Variants in ANKRD46 observed in about 807,000 individuals in gnomAD.
The protein encoded by ANKRD46 is ankyrin repeat domain 46, also known as ankyrin repeat domain-containing protein 46.
Under a neutral mutation model 19.8 loss-of-function variants are expected in ANKRD46, and 13 were observed. That is an observed-to-expected ratio of 0.66 (90% confidence interval 0.43 to 1.04). The LOEUF (loss-of-function observed/expected upper bound fraction) is 1.04, where lower values mean the gene tolerates loss of function less well. ANKRD46 is among the 50% of genes least tolerant of loss of function. The pLI, the probability that ANKRD46 is intolerant of heterozygous loss-of-function variation, is 0.00. For synonymous variants in ANKRD46, 91 were observed against 106.9 expected (o/e 0.85, Z 0.92); for missense variants, 185 against 274.8 (o/e 0.67, Z 2.31).
chr8:100,551,402 A>G (rs1381869838), intron 1 of ANKRD46: 1 of 613,010 alleles, frequency 1.6e-6, no homozygotes, highest in Non-Finnish European at 3.1e-6. Context: ...AGCCTTCTCT[A>G]TGGTCATGAA....
In ANKRD46 at chr8:100,510,515, A is replaced by G. The variant is rs1268205587; in HGVS notation, c.*62T>C. 4 of 1,463,256 alleles carry G rather than the reference A, an allele frequency of 2.7e-6. No homozygotes were observed. The Admixed American group carries it at 8.3e-5, about 30-fold the overall frequency. 90.6% of individuals were successfully genotyped at this position (1,463,256 alleles called of 1,614,324 possible). ...ACAGCCCCACCCAACAGGGACGCTG[A>G]CGTCTGTATCCCTTCTTTCTTGCCT... On this transcript the variant is annotated 3_prime_UTR_variant, in exon 6 of 6. Transcript: ENST00000520552. The surrounding 1 kb of genome is among the most constrained non-coding windows in gnomAD (Gnocchi z 4.9).
chr8:100,553,795 G>C (rs1563493887), intron 1 of ANKRD46, among the ~76,000 whole-genome samples: 1 of 151,950 alleles, frequency 6.6e-6, no homozygotes, highest in Non-Finnish European at 1.5e-5. Context: ...AACCAAAAAA[G>C]GCATCATAAT....
At position 100,533,247 on chromosome 8, in the gene ANKRD46, T is replaced by C. The variant is rs1415534599; in HGVS notation, c.-66A>G. 1 of 152,246 alleles carries C rather than the reference T, an allele frequency of 6.6e-6. No individual in the cohort carries two copies. The highest frequency in any genetic ancestry group is 1.5e-5 in the Non-Finnish European group (1 of 68,046). The allele number at this position is 152,246 out of a possible 1,614,324, so 9.4% of individuals were successfully genotyped here. A position where few individuals can be genotyped will look rare whatever the true frequency, so the allele number is the denominator to read the frequency against. Reference sequence around the variant, plus strand: ...TTAGATCTTTTCGTTCAGTGGTCACTCAGCAGTTTCTCTGAATTCTCAAGA... The same window carrying C: ...TTAGATCTTTTCGTTCAGTGGTCACCCAGCAGTTTCTCTGAATTCTCAAGA... On this transcript the variant is annotated 5_prime_UTR_variant, in exon 2 of 5. Coordinates refer to ENST00000335659, the MANE Select transcript of ANKRD46 (RefSeq NM_001270377.2).
In ANKRD46 at chr8:100,550,899, C is replaced by A; in HGVS notation, c.-131+8812G>T. On this transcript the variant is annotated intron_variant, in intron 1 of 4. Transcript: ENST00000335659. This position sits in a 1 kb window ranked among gnomAD's most constrained non-coding sequence, Gnocchi z 4.4. ...GGAAACAACCTGGTGTTCAGTGTAGCCCAAGATGCCCTTGAGGGGCCCTCT... is the reference window on the plus strand; with the variant it reads ...GGAAACAACCTGGTGTTCAGTGTAGACCAAGATGCCCTTGAGGGGCCCTCT... The A allele has an allele frequency of 1.8e-6, 1 of 568,714 alleles. No homozygotes were observed. Among genetic ancestry groups the A allele is most frequent in the Non-Finnish European group, 3.3e-6 (1 of 302,048 alleles). The allele number at this position is 568,714 out of a possible 1,614,324, so 35.2% of individuals were successfully genotyped here.
At chr8:100,548,316 C>T (rs1409241053) in intron 1 of ANKRD46, among the ~76,000 whole-genome samples, 1 of 152,166 alleles carries the variant, frequency 6.6e-6, no homozygotes, top group Non-Finnish European at 1.5e-5. Flanking sequence ...TCTCTATACT[C>T]TACCCCTGAC....
chr8:100,517,678 C>T (rs754397323), downstream of ANKRD46, among the ~76,000 whole-genome samples: 1 of 152,214 alleles, frequency 6.6e-6, no homozygotes, highest in Non-Finnish European at 1.5e-5. Flanking sequence ...GCCAAGATCC[C>T]CCCTTAGAAA....
chr8:100,535,753 T>C (rs1406430734), intron 1 of ANKRD46, among the ~76,000 whole-genome samples: 1 of 152,230 alleles, frequency 6.6e-6, no homozygotes, highest in Non-Finnish European at 1.5e-5. Context: ...CCCTTTTTTA[T>C]CCATAGTAGT....
chr8:100,522,613 G>T lies in ANKRD46; in HGVS notation c.629C>A (p.Ala210Asp). 6.2e-7 allele frequency: 1 copy of T among 1,613,932 alleles called. No homozygotes were observed. Among genetic ancestry groups the T allele is most frequent in the Non-Finnish European group, 8.5e-7 (1 of 1,179,976 alleles). The change falls in exon 5 of 5, where the codon GCT becomes GAT. Residue 210 changes from alanine to aspartate, a missense_variant. Physicochemically the swap from Ala to Asp is moderately radical, Grantham distance 126 (BLOSUM62 -2). Coordinates refer to ENST00000335659, the MANE Select transcript of ANKRD46 (RefSeq NM_001270377.2). Reference protein sequence around the residue: ...FVIALLSLGIAYYVSGVLPFV... With the variant: ...FVIALLSLGIDYYVSGVLPFV... ...GGGTAGCACCCCACTCACATAATAA[G>T]CAATGCCAAGAGACAGCAAAGCAAT...
At position 100,510,449 on chromosome 8, in the gene ANKRD46, G is replaced by A. The variant is rs72679742; in HGVS notation, c.*128C>T. 0.02 allele frequency: 17,598 copies of A among 874,478 alleles called. 202 individuals carry two copies. The highest frequency in any genetic ancestry group is 0.025 in the Non-Finnish European group (15,039 of 607,030). The allele number at this position is 874,478 out of a possible 1,614,324, so 54.2% of individuals were successfully genotyped here. A position where few individuals can be genotyped will look rare whatever the true frequency, so the allele number is the denominator to read the frequency against. ...CAGGTCCCTCTGCCTCCTAACTGCAGAGCTTTGAGATGATGCTCCATGACA... is the reference window on the plus strand; with the variant it reads ...CAGGTCCCTCTGCCTCCTAACTGCAAAGCTTTGAGATGATGCTCCATGACA... On this transcript the variant is annotated 3_prime_UTR_variant, in exon 6 of 6. Transcript: ENST00000520552. This position sits in a 1 kb window ranked among gnomAD's most constrained non-coding sequence, Gnocchi z 4.9.
In ANKRD46 at chr8:100,532,500, CAACA is replaced by C. The variant is rs1317631111; in HGVS notation, c.-28+705_-28+708del. The C allele has an allele frequency of 6.6e-6, 1 of 151,842 alleles. No individual in the cohort carries two copies. The highest frequency in any genetic ancestry group is 1.9e-4 in the East Asian group (1 of 5,188). 9.4% of individuals were successfully genotyped at this position (151,842 alleles called of 1,614,324 possible). On this transcript the variant is annotated intron_variant, in intron 2 of 4. Transcript: ENST00000335659. This position sits in a 1 kb window ranked among gnomAD's most constrained non-coding sequence, Gnocchi z 4.7. ...CAAACCAAACCAAACCAAACCAAAC[CAACA>C]AACAGAAAAACTCAATGAGAAGAAT...
rs1277961757 is a variant in ANKRD46 at position 100,545,093 on chromosome 8, G to A, written c.-130-11782C>T. ...AAATCCCAGCACTTTTGGAGGCAGA[G>A]GTGGGAGAATTGCTTGAGCCCAGGC... On this transcript the variant is annotated intron_variant, in intron 1 of 4. Transcript: ENST00000335659. This position sits in a 1 kb window ranked among gnomAD's most constrained non-coding sequence, Gnocchi z 4.7. 1.3e-5 allele frequency among the ~76,000 whole-genome samples: 2 copies of A among 152,178 alleles called. No individual in the cohort carries two copies. The highest frequency in any genetic ancestry group is 4.8e-5 in the African/African-American group (2 of 41,430).
At chr8:100,517,245 G>T (rs1393130300), downstream of ANKRD46, among the ~76,000 whole-genome samples, 1 of 152,148 alleles carries the variant, frequency 6.6e-6, no homozygotes, top group African/African-American at 2.4e-5. Flanking sequence ...TGGTCCCAAA[G>T]AACTTCCTGT....
At chr8:100,547,876 C>T (rs1452624550) in intron 1 of ANKRD46, among the ~76,000 whole-genome samples, 2 of 152,224 alleles carry the variant, frequency 1.3e-5, no homozygotes, top group Non-Finnish European at 2.9e-5. Flanking sequence ...CAATTTTATA[C>T]ATGAAGTTTT....
rs151133163 is a variant in ANKRD46 at position 100,543,227 on chromosome 8, CTTTG to C, written c.-130-9920_-130-9917del. Among the ~76,000 whole-genome samples, 576 of 152,258 alleles carry C rather than the reference CTTTG, an allele frequency of 3.8e-3. 17 individuals are homozygous for C. Among genetic ancestry groups the C allele is most frequent in the Admixed American group, 0.03 (455 of 15,286 alleles). On this transcript the variant is annotated intron_variant, in intron 1 of 4. Transcript: ENST00000335659. The surrounding 1 kb of genome is among the most constrained non-coding windows in gnomAD (Gnocchi z 4.2). ...CCAGGAAATGTCTTTAATAAACAGG[CTTTG>C]TTTGTTTAGACACTGTCAATTAAAA... is the stretch of plus-strand genomic sequence containing the variant.
chr8:100,512,162 G>A (rs547581253), intron 5 of ANKRD46, among the ~76,000 whole-genome samples: 1 of 152,334 alleles, frequency 6.6e-6, no homozygotes, highest in East Asian at 1.9e-4. Flanking sequence ...AACAGAAACT[G>A]CATTCTGAGT....
chr8:100,552,379 C>T (rs564200641), intron 1 of ANKRD46, among the ~76,000 whole-genome samples: 131 of 148,428 alleles, frequency 8.8e-4, no homozygotes, highest in African/African-American at 2.5e-3. Context: ...TATACTTTGG[C>T]GCTTTTTTTT....
At position 100,529,573 on chromosome 8, in the gene ANKRD46, A is replaced by G. The variant is rs754845292; in HGVS notation, c.261T>C (p.His87=). The change falls in exon 3 of 5, where the codon CAT becomes CAC. Residue 87 remains histidine, a synonymous_variant. Transcript: ENST00000335659. This position sits in a 1 kb window ranked among gnomAD's most constrained non-coding sequence, Gnocchi z 5.8. ...AAACCAAAAATTGGATAGTATCCAC[A>G]TGGCCACAGAGGTGAAGAGCTGTGT... ...QGNTALHLCG[H]VDTIQFLVSN... is the part of the protein sequence containing the mutation. The G allele has an allele frequency of 1.2e-5, 20 of 1,614,280 alleles. No homozygotes were observed. Among genetic ancestry groups the G allele is most frequent in the Non-Finnish European group, 1.5e-5 (18 of 1,180,052 alleles).
rs1172576115 is a variant in ANKRD46 at position 100,514,624 on chromosome 8, T to C, written c.637-3985A>G. ...GGGTTATTCCTCCATCTTCTTTTTT[T>C]TTTTTTTTTTTTTTTGAGATAGAGT... On this transcript the variant is annotated intron_variant, in intron 5 of 5. Transcript: ENST00000520552. Among the ~76,000 whole-genome samples, 3 of 126,762 alleles carry C rather than the reference T, an allele frequency of 2.4e-5. 1 individual carries two copies. Among genetic ancestry groups the C allele is most frequent in the East Asian group, 2.1e-4 (1 of 4,862 alleles). The allele number at this position is 126,762 out of a possible 152,430, so 83.2% of individuals were successfully genotyped here. A position where few individuals can be genotyped will look rare whatever the true frequency, so the allele number is the denominator to read the frequency against.
At chr8:100,539,160 C>T (rs1410933211) in intron 1 of ANKRD46, among the ~76,000 whole-genome samples, 1 of 152,154 alleles carries the variant, frequency 6.6e-6, no homozygotes, top group Non-Finnish European at 1.5e-5. Context: ...ATGGTTCATC[C>T]TAAACTAGGA....
Sources: gnomAD v4.1 joint callset for allele counts (sites outside exome capture counted in the v4.1 genomes callset) on GRCh38, gnomAD v4.1.1 for gene constraint, Gnocchi (gnomAD v3.1) non-coding constraint, MANE v1.5 for transcripts, NCBI Gene and HGNC (gene_info 2026-07-23, HGNC 2026-07-21) for gene names.